Variants in KLF11 observed in about 807,000 individuals in gnomAD.
KLF11 encodes Krueppel-like factor 11.
KLF11 carries 26 observed loss-of-function variants against 29.9 expected under a neutral mutation model. That is an observed-to-expected ratio of 0.87 (90% CI 0.64 to 1.21). The LOEUF is 1.21. KLF11 is among the 50% of genes most tolerant of loss of function. The pLI is 0.00. For synonymous variants in KLF11, 318 were observed against 257.4 expected, an observed-to-expected ratio of 1.24 and a Z score of -2.25; for missense variants, 778 against 665.7, an observed-to-expected ratio of 1.17 and a Z score of -1.86.
At chr2:10,047,040 C>T (rs1435587526) in intron 2 of KLF11, among the ~76,000 whole-genome samples, 3 of 152,014 alleles carry the variant, frequency 2.0e-5, no homozygotes, top group Non-Finnish European at 4.4e-5. Flanking sequence ...TTAGGTTCTC[C>T]AGCCTAGTGT....
In KLF11 at chr2:10,043,676, A is replaced by C. The variant is rs1661063949; in HGVS notation, c.-41A>C. The C allele has an allele frequency of 1.6e-6, 2 of 1,271,216 alleles. No individual in the cohort carries two copies. Among genetic ancestry groups the C allele is most frequent in the African/African-American group, 3.2e-5 (2 of 62,288 alleles). 78.7% of individuals were successfully genotyped at this position (1,271,216 alleles called of 1,614,324 possible). A position where few individuals can be genotyped will look rare whatever the true frequency, so the allele number is the denominator to read the frequency against. On this transcript the variant is annotated 5_prime_UTR_variant, in exon 1 of 4. Transcript: ENST00000305883. ...TGCGGCCGCTGCTGCGCCCGAGCTC[A>C]CGCCCCGCGGCCGCTTTGTTGCTCC...
Position 10,047,760 on chromosome 2 carries a change from C to G in KLF11, c.423C>G (p.Ser141=), listed in dbSNP as rs1661258213. The G allele has an allele frequency of 6.2e-7, 1 of 1,613,750 alleles. No homozygotes were observed. The highest frequency in any genetic ancestry group is 8.5e-7 in the Non-Finnish European group (1 of 1,179,996). Residue 141 remains serine, a synonymous_variant, in exon 3 of 4, where the codon TCC becomes TCG. Coordinates refer to ENST00000305883, the MANE Select transcript of KLF11 (RefSeq NM_003597.5). ...KACTATDVLQ[S]SAVVARALSG... ...GTACAGCCACGGATGTTCTCCAGTC[C>G]TCTGCCGTAGTGGCCAGAGCTCTGA... is the stretch of plus-strand genomic sequence containing the variant.
chr2:10,048,899 C>T (rs995137133), intron 3 of KLF11, among the ~76,000 whole-genome samples: 3 of 134,548 alleles, frequency 2.2e-5, no homozygotes, highest in Non-Finnish European at 3.1e-5. Flanking sequence ...TTGCAGTAGA[C>T]GTTTCATCCT....
intron 2 of KLF11, 143 bp downstream of exon 2, chr2:10,046,562 A>C (rs1006257915): frequency 3.1e-6 from 3 of 956,464 alleles, no homozygotes; most frequent in Non-Finnish European, 4.8e-6. Flanking sequence ...GAAGGAGTAG[A>C]AACTCTTCCT....
rs1317751216 is a variant in KLF11, at chr2:10,052,511, G to C, written c.*4G>C. On this transcript the variant is annotated 3_prime_UTR_variant, in exon 4 of 4. Transcript: ENST00000305883. Reference sequence around the variant, plus strand: ...GAGCATGCCAGCCTCTGCCTGAAAGGTCCATTAGGACATCACTCATGGGAT... The same window carrying C: ...GAGCATGCCAGCCTCTGCCTGAAAGCTCCATTAGGACATCACTCATGGGAT... 1.2e-6 allele frequency: 2 copies of C among 1,613,468 alleles called. No individual in the cohort carries two copies. Among genetic ancestry groups the C allele is most frequent in the East Asian group, 4.5e-5 (2 of 44,890 alleles).
rs979175570 is a variant in KLF11 at position 10,053,710 on chromosome 2, C to T, written c.*1203C>T. 4.0e-5 allele frequency: 12 copies of T among 298,432 alleles called. No homozygotes were observed. Among genetic ancestry groups the T allele is most frequent in the Non-Finnish European group, 7.4e-5 (12 of 162,908 alleles). 18.5% of individuals were successfully genotyped at this position (298,432 alleles called of 1,614,324 possible). A position where few individuals can be genotyped will look rare whatever the true frequency, so the allele number is the denominator to read the frequency against. ...AAATTACTTGGAATGGTGTGTTTTA[C>T]AGTCTACCTAGAAAATAGATGGACA... On this transcript the variant is annotated 3_prime_UTR_variant, in exon 4 of 4. Transcript: ENST00000305883.
intron 3 of KLF11, among the ~76,000 whole-genome samples, chr2:10,048,892 C>T (rs1222347308): frequency 7.0e-6 from 1 of 143,658 alleles, no homozygotes; most frequent in African/African-American, 2.6e-5. Context: ...GTTCACATTG[C>T]AGTAGACGTT....
chr2:10,052,433 G>A lies in KLF11; in HGVS notation c.1465G>A (p.Val489Ile). The A allele has an allele frequency of 6.2e-7, 1 of 1,614,186 alleles. No homozygotes were observed. Among genetic ancestry groups the A allele is most frequent in the Non-Finnish European group, 8.5e-7 (1 of 1,180,032 alleles). Residue 489 changes from valine (V) to isoleucine (I), a missense_variant, in exon 4 of 4, where the codon GTT (valine) becomes ATT (isoleucine). Transcript: ENST00000305883. ...GAAGATCCCAGGCTGGCAGGCAGAG[G>A]TTGGCAAGCTGAACAGAATCGCCTC... Reference protein sequence around the residue: ...TKKIPGWQAEVGKLNRIASAE... With the variant: ...TKKIPGWQAEIGKLNRIASAE...
chr2:10,043,791 C>T (rs1331848712), intron 1 of KLF11, 33 bp downstream of exon 1: 7 of 1,352,214 alleles, frequency 5.2e-6, no homozygotes, highest in East Asian at 4.0e-5. Context: ...CGGGACTACT[C>T]GTCTGAGCGA....
rs1302344148 is a variant in KLF11 at position 10,052,583 on chromosome 2, C to T, written c.*76C>T. On this transcript the variant is annotated 3_prime_UTR_variant, in exon 4 of 4. Coordinates refer to ENST00000305883, the MANE Select transcript of KLF11 (RefSeq NM_003597.5). ...GAATGGAACTGATGGATTCCTCTCC[C>T]ACTGCCTCACCCAAAAAAAACGGTC... The T allele has an allele frequency of 6.7e-7, 1 of 1,489,878 alleles. No homozygotes were observed. The highest frequency in any genetic ancestry group is 2.3e-5 in the East Asian group (1 of 43,566). 92.3% of individuals were successfully genotyped at this position (1,489,878 alleles called of 1,614,324 possible).
Position 10,047,991 on chromosome 2 carries a change from C to A in KLF11, c.654C>A (p.His218Gln). Residue 218 changes from histidine (H) to glutamine (Q), a missense_variant, in exon 3 of 4, where the codon CAC becomes CAA. His to Gln is a conservative substitution (Grantham distance 24). Transcript: ENST00000305883. ...ACTTTGAAACTTTGCAGGACACACACCTCACGGACAGTTTACTCAGCACTA... is the reference window on the plus strand; with the variant it reads ...ACTTTGAAACTTTGCAGGACACACAACTCACGGACAGTTTACTCAGCACTA... ...LGHFETLQDT[H>Q]LTDSLLSTNL... 6.2e-7 allele frequency: 1 copy of A among 1,614,152 alleles called. No individual in the cohort carries two copies. The highest frequency in any genetic ancestry group is 1.1e-5 in the South Asian group (1 of 91,090).
chr2:10,043,963 G>A, intron 1 of KLF11: 1 of 919,542 alleles, frequency 1.1e-6, no homozygotes, highest in Non-Finnish European at 1.3e-6. Flanking sequence ...CGGGGGCGAG[G>A]AGGGGGCGTG....
At position 10,052,420 on chromosome 2, in the gene KLF11, C is replaced by T. The variant is rs758008815; in HGVS notation, c.1452C>T (p.Gly484=). ...RRHMTTKKIP[G]WQAEVGKLNR... ...ACATGACGACCAAGAAGATCCCAGG[C>T]TGGCAGGCAGAGGTTGGCAAGCTGA... Residue 484 remains glycine, a synonymous_variant, in exon 4 of 4, where the codon GGC becomes GGT. Coordinates refer to ENST00000305883, the MANE Select transcript of KLF11 (RefSeq NM_003597.5). 1.2e-6 allele frequency: 2 copies of T among 1,614,170 alleles called. No individual in the cohort carries two copies. The highest frequency in any genetic ancestry group is 1.7e-6 in the Non-Finnish European group (2 of 1,180,032).
chr2:10,046,685 T>C (rs925841065), intron 2 of KLF11, among the ~76,000 whole-genome samples: 5 of 152,094 alleles, frequency 3.3e-5, no homozygotes, highest in African/African-American at 9.7e-5. Flanking sequence ...TGAAACCTCA[T>C]CTCTACTAAA....
chr2:10,044,373 T>G (rs1572434725), intron 1 of KLF11: 11 of 985,360 alleles, frequency 1.1e-5, no homozygotes, highest in African/African-American at 1.7e-5. Flanking sequence ...TTCGGGGAGG[T>G]AGCCGTGGAC....
In KLF11 at chr2:10,053,206, TC is replaced by T. The variant is rs1445175801; in HGVS notation, c.*701del. On this transcript the variant is annotated 3_prime_UTR_variant, in exon 4 of 4. Coordinates refer to ENST00000305883, the MANE Select transcript of KLF11 (RefSeq NM_003597.5). ...GGTTGACTGGAACTAGTGAGCTGTG[TC>T]CATGGTGTGTCATGAAGGATGTACC... 1.3e-5 allele frequency: 5 copies of T among 399,148 alleles called. No individual in the cohort carries two copies. Among genetic ancestry groups the T allele is most frequent in the Non-Finnish European group, 2.2e-5 (5 of 226,624 alleles). 24.7% of individuals were successfully genotyped at this position (399,148 alleles called of 1,614,324 possible).
chr2:10,047,329 G>A (rs1661238867), intron 2 of KLF11, among the ~76,000 whole-genome samples: 1 of 152,252 alleles, frequency 6.6e-6, no homozygotes, highest in African/African-American at 2.4e-5. Flanking sequence ...TGAAAGAAGA[G>A]TGTAGAAAGC....
Position 10,052,614 on chromosome 2 carries a change from G to C in KLF11, c.*107G>C. ...CTCACCCAAAAAAAACGGTCTTGGCGGCCTAGGGGAAGATCGGGGAGCTGG... is the reference window on the plus strand; with the variant it reads ...CTCACCCAAAAAAAACGGTCTTGGCCGCCTAGGGGAAGATCGGGGAGCTGG... On this transcript the variant is annotated 3_prime_UTR_variant, in exon 4 of 4. Transcript: ENST00000305883. 11 of 1,213,844 alleles carry C rather than the reference G, an allele frequency of 9.1e-6. No homozygotes were observed. The highest frequency in any genetic ancestry group is 1.2e-5 in the Non-Finnish European group (10 of 846,522). The allele number at this position is 1,213,844 out of a possible 1,614,324, so 75.2% of individuals were successfully genotyped here. A position where few individuals can be genotyped will look rare whatever the true frequency, so the allele number is the denominator to read the frequency against.
Position 10,046,243 on chromosome 2 carries a change from G to A in KLF11, c.136G>A (p.Glu46Lys). The change falls in exon 2 of 4, where the codon GAA (glutamate) becomes AAA (lysine). Residue 46 changes from glutamate to lysine, a missense_variant. Transcript: ENST00000305883. ...CAGCATCTTGGAGCAGACAGACATG[G>A]AAGCTGTCGAGGCTCTTGTTTGTAT... Reference protein sequence around the residue: ...TCSILEQTDMEAVEALVCMSS... With the variant: ...TCSILEQTDMKAVEALVCMSS... 1 of 1,614,224 alleles carries A rather than the reference G, an allele frequency of 6.2e-7. No individual in the cohort carries two copies. Among genetic ancestry groups the A allele is most frequent in the South Asian group, 1.1e-5 (1 of 91,088 alleles).
Sources: gnomAD v4.1 joint callset for allele counts (sites outside exome capture counted in the v4.1 genomes callset) on GRCh38, gnomAD v4.1.1 for gene constraint, MANE v1.5 for transcripts, NCBI Gene and HGNC (gene_info 2026-07-23, HGNC 2026-07-21) for gene names.